The following SYBU variants were observed in gnomAD, a reference collection of about 807,000 sequenced individuals.
SYBU encodes syntabulin, also known as GOLSYN A protein.
Under a neutral mutation model 35.9 loss-of-function variants are expected in SYBU, and 21 were observed. The ratio of observed to expected loss-of-function variants is 0.58; its 90% CI spans 0.41 to 0.84. The LOEUF (loss-of-function observed/expected upper bound fraction) is 0.84. Among genes scored for constraint, SYBU ranks in the 40% least tolerant of loss-of-function variants. The probability of loss-of-function intolerance (pLI) is 0.00; values close to 1 mark genes in which losing one functional copy is unlikely to be tolerated. For synonymous variants in SYBU, 319 were observed against 324.3 expected (o/e 0.98, Z 0.18); for missense variants, 768 against 848.2 (o/e 0.91, Z 1.17).
Position 109,577,952 on chromosome 8 carries a change from T to C in SYBU, c.800A>G (p.Tyr267Cys). ...HGVRPPNPEQYLTPLQQKEVT... is the reference protein window; with the variant it reads ...HGVRPPNPEQCLTPLQQKEVT... ...CTCTTTCTGCTGCAGTGGAGTCAAATACTGCTCTGGGTTTGGGGGTCTGAC... is the reference window on the plus strand; with the variant it reads ...CTCTTTCTGCTGCAGTGGAGTCAAACACTGCTCTGGGTTTGGGGGTCTGAC... Residue 267 changes from tyrosine (Y) to cysteine (C), a missense_variant, in exon 6 of 7, where the codon TAT (tyrosine) becomes TGT (cysteine). By Grantham distance (194) the Tyr-to-Cys change is radical. Coordinates refer to ENST00000276646, the MANE Select transcript of SYBU (RefSeq NM_001099754.2). 6.2e-7 allele frequency: 1 copy of C among 1,614,052 alleles called. No individual in the cohort carries two copies. Among genetic ancestry groups the C allele is most frequent in the Non-Finnish European group, 8.5e-7 (1 of 1,179,952 alleles).
intron 4 of SYBU, 197 bp downstream of exon 4, chr8:109,585,863 C>T (rs1428416267): frequency 8.7e-6 from 5 of 571,554 alleles, no homozygotes; most frequent in African/African-American, 1.9e-5. Context: ...TGTACAAACA[C>T]AGGTGAGCCA....
At chr8:109,642,959 A>T (rs1421879278) in intron 1 of SYBU, 27 bp from the exon 2 acceptor site, 2 of 1,447,796 alleles carry the variant, frequency 1.4e-6, no homozygotes, top group African/African-American at 2.9e-5. Context: ...AAAAAAGAAA[A>T]CAAAAGGAAA....
intron 3 of SYBU, among the ~76,000 whole-genome samples, chr8:109,598,001 G>C (rs1224930452): frequency 6.6e-6 from 1 of 152,190 alleles, no homozygotes; most frequent in Non-Finnish European, 1.5e-5. Context: ...TCAGAAGAAT[G>C]AGAAGATGAC....
intron 3 of SYBU, among the ~76,000 whole-genome samples, chr8:109,589,062 AG>A (rs1487664345): frequency 6.6e-6 from 1 of 152,236 alleles, no homozygotes; most frequent in African/African-American, 2.4e-5. Context: ...TGGGAAGCTG[AG>A]GCAGGAGAAT....
chr8:109,619,061 G>C, intron 2 of SYBU, 22 bp from the exon 3 acceptor site: 1 of 1,586,290 alleles, frequency 6.3e-7, no homozygotes, highest in Non-Finnish European at 8.7e-7. Context: ...GAATCAATAA[G>C]TGTTTAATGA....
intron 2 of SYBU, among the ~76,000 whole-genome samples, chr8:109,619,458 C>T (rs1417694963): frequency 6.6e-6 from 1 of 152,038 alleles, no homozygotes; most frequent in African/African-American, 2.4e-5. Flanking sequence ...AACTCCTGGC[C>T]TCAAGCGATC....
chr8:109,634,237 T>G (rs1813960847), intron 2 of SYBU, among the ~76,000 whole-genome samples: 1 of 152,186 alleles, frequency 6.6e-6, no homozygotes, highest in African/African-American at 2.4e-5. Context: ...CTTCAAAACC[T>G]TGCTTATGTG....
intron 1 of SYBU, among the ~76,000 whole-genome samples, chr8:109,658,878 G>A (rs781208511): frequency 1.3e-5 from 2 of 151,918 alleles, no homozygotes; most frequent in African/African-American, 2.4e-5. Context: ...CGCTTGAACC[G>A]GAAAGGCGGA....
chr8:109,658,802 A>C (rs1816453091), intron 1 of SYBU, among the ~76,000 whole-genome samples: 1 of 152,110 alleles, frequency 6.6e-6, no homozygotes, highest in South Asian at 2.1e-4. Context: ...AAAAATACAA[A>C]AATTAGCTGG....
At chr8:109,593,568 T>C (rs1824527557) in intron 3 of SYBU, among the ~76,000 whole-genome samples, 1 of 152,236 alleles carries the variant, frequency 6.6e-6, no homozygotes, top group Admixed American at 6.5e-5. Context: ...AGTTGGTTCA[T>C]GGTTCAAAGT....
chr8:109,681,055 CAACACGATGAAT>C (rs1182412679), upstream of SYBU: 1 of 152,184 alleles, frequency 6.6e-6, no homozygotes, highest in Non-Finnish European at 1.5e-5. Context: ...GTAAAACGAG[CAACACGATGAAT>C]GTGTAAATTT....
chr8:109,684,936 A>T (rs1817486025), upstream of SYBU, among the ~76,000 whole-genome samples: 1 of 152,232 alleles, frequency 6.6e-6, no homozygotes, highest in Admixed American at 6.5e-5. Context: ...CCTAGGTAAC[A>T]GATCTTCCAT....
intron 1 of SYBU, chr8:109,643,172 C>CACAT: frequency 9.1e-7 from 1 of 1,096,702 alleles, no homozygotes; most frequent in African/African-American, 1.7e-5. Context: ...CACACACACA[C>CACAT]ATATACACAC....
chr8:109,582,098 T>C (rs973530304), intron 4 of SYBU, among the ~76,000 whole-genome samples: 1 of 152,220 alleles, frequency 6.6e-6, no homozygotes, highest in African/African-American at 2.4e-5. Context: ...ATATGGAAGA[T>C]TAGCTATTAC....
intron 3 of SYBU, among the ~76,000 whole-genome samples, chr8:109,618,497 T>C (rs940190135): frequency 1.3e-5 from 2 of 152,258 alleles, no homozygotes; most frequent in East Asian, 3.8e-4. Context: ...TGGTCACTTA[T>C]GATAGTACTA....
chr8:109,637,433 C>T (rs937213642), intron 2 of SYBU, among the ~76,000 whole-genome samples: 2 of 152,322 alleles, frequency 1.3e-5, no homozygotes, highest in East Asian at 3.9e-4. Flanking sequence ...GCAGTTACCA[C>T]ATTCTCAAAG....
upstream of SYBU, chr8:109,645,169 CAGAG>C (rs1352252458): frequency 2.2e-6 from 1 of 457,486 alleles, no homozygotes; most frequent in Non-Finnish European, 4.4e-6. Flanking sequence ...TGCGACATCA[CAGAG>C]AGACAAAATA....
At position 109,644,821 on chromosome 8, in the gene SYBU, C is replaced by G; in HGVS notation, c.-162G>C. On this transcript the variant is annotated 5_prime_UTR_variant, in exon 1 of 7. Transcript: ENST00000276646. The stretch of plus-strand genomic sequence containing the variant: ...GCCGCCGCCACTGCCGCCGATTGCT[C>G]TGGGCTCCGAGGGCACGCCCGACCC... 1 of 704,980 alleles carries G rather than the reference C, an allele frequency of 1.4e-6. No individual in the cohort carries two copies. Among genetic ancestry groups the G allele is most frequent in the Non-Finnish European group, 2.1e-6 (1 of 476,494 alleles). The allele number at this position is 704,980 out of a possible 1,614,324, so 43.7% of individuals were successfully genotyped here.
At chr8:109,593,735 T>C (rs1330498220) in intron 3 of SYBU, among the ~76,000 whole-genome samples, 1 of 152,160 alleles carries the variant, frequency 6.6e-6, no homozygotes, top group Non-Finnish European at 1.5e-5. Flanking sequence ...CAGACATGCT[T>C]CACAGCATCA....
Sources: gnomAD v4.1 joint callset for allele counts (sites outside exome capture counted in the v4.1 genomes callset) on GRCh38, gnomAD v4.1.1 for gene constraint, MANE v1.5 for transcripts, NCBI Gene and HGNC (gene_info 2026-07-23, HGNC 2026-07-21) for gene names.